MAD1L1: variants seen among roughly 807,000 people sequenced by gnomAD.
The protein encoded by MAD1L1 is mitotic spindle assembly checkpoint protein MAD1.
MAD1L1 carries 95 observed loss-of-function variants against 96.9 expected under a neutral mutation model. That is an observed-to-expected ratio of 0.98 (90% CI 0.83 to 1.16). MAD1L1 has a LOEUF of 1.16. Among genes scored for constraint, MAD1L1 ranks in the 50% most tolerant of loss-of-function variants. The pLI is 0.00. For synonymous variants in MAD1L1, 473 were observed against 396.6 expected, an observed-to-expected ratio of 1.19 and a Z score of -2.29; for missense variants, 1,007 against 954.4, an observed-to-expected ratio of 1.06 and a Z score of -0.73.
rs1489530752 is a variant in MAD1L1 at position 2,216,245 on chromosome 7, T to A, written c.721A>T (p.Ile241Phe). 6.2e-7 allele frequency: 1 copy of A among 1,614,170 alleles called. No homozygotes were observed. Among genetic ancestry groups the A allele is most frequent in the Non-Finnish European group, 8.5e-7 (1 of 1,180,050 alleles). The part of the protein sequence containing the change: ...KLSLQEQDAA[I>F]VKNMKSELVR... The stretch of plus-strand genomic sequence containing the variant: ...AGCTCAGACTTCATGTTCTTCACAA[T>A]CGCTGCATCCTGCTCTTGCAGGGAC... Residue 241 changes from isoleucine to phenylalanine, a missense_variant, in exon 8 of 19, where the codon ATT becomes TTT. Ile to Phe is a conservative substitution (Grantham distance 21). Transcript: ENST00000265854.
intron 12 of MAD1L1, among the ~76,000 whole-genome samples, chr7:2,054,750 C>A (rs1050450724): frequency 2.6e-5 from 4 of 152,224 alleles, no homozygotes; most frequent in Admixed American, 2.6e-4. Context: ...CGTCTCAGGG[C>A]CCCTCCTGCA....
chr7:1,891,648 G>C (rs1262239453), intron 18 of MAD1L1, among the ~76,000 whole-genome samples: 2 of 152,148 alleles, frequency 1.3e-5, no homozygotes, highest in Non-Finnish European at 2.9e-5. Flanking sequence ...CGCGATCATA[G>C]TTTTCACCGC....
intron 16 of MAD1L1, among the ~76,000 whole-genome samples, chr7:1,947,850 C>T (rs1779301970): frequency 6.6e-6 from 1 of 152,224 alleles, no homozygotes; most frequent in African/African-American, 2.4e-5. Context: ...CACCTATACA[C>T]ACCTGTCGCC....
chr7:1,957,925 T>C (rs1321748936), intron 15 of MAD1L1, among the ~76,000 whole-genome samples: 1 of 152,200 alleles, frequency 6.6e-6, no homozygotes, highest in Non-Finnish European at 1.5e-5. Context: ...GGGGAGTCCG[T>C]GGCGGCCCCT....
intron 18 of MAD1L1, among the ~76,000 whole-genome samples, chr7:1,886,341 A>G (rs144517496): frequency 7.2e-5 from 11 of 152,342 alleles, no homozygotes; most frequent in African/African-American, 2.4e-4. Flanking sequence ...TCAGAAGGAA[A>G]GAACAGGGCA....
chr7:2,208,456 G>A (rs1176652514), intron 10 of MAD1L1, among the ~76,000 whole-genome samples: 1 of 152,050 alleles, frequency 6.6e-6, no homozygotes, highest in Non-Finnish European at 1.5e-5. Flanking sequence ...GGGGTGCAGG[G>A]AACAGACACC....
In MAD1L1 at chr7:2,227,121, C is replaced by T. The variant is rs1004365126; in HGVS notation, c.151-1571G>A. Among the ~76,000 whole-genome samples, 4 of 152,088 alleles carry T rather than the reference C, an allele frequency of 2.6e-5. No homozygotes were observed. In the East Asian group the frequency reaches 7.7e-4, roughly 29 times the overall value. On this transcript the variant is annotated intron_variant, in intron 3 of 18. Coordinates refer to ENST00000265854, the MANE Select transcript of MAD1L1 (RefSeq NM_001013836.2). ...CCAGCCTGGCCAACATGGTGAAACC[C>T]TGTCTCTACTCAAAACTATGAAAAT...
At chr7:2,059,578 G>A (rs1379165195) in intron 12 of MAD1L1, among the ~76,000 whole-genome samples, 5 of 149,570 alleles carry the variant, frequency 3.3e-5, no homozygotes, top group Admixed American at 6.6e-5. Context: ...GGCCAGGGGA[G>A]GGGAGAGGAG....
chr7:2,150,361 C>T (rs1209461547), intron 10 of MAD1L1, among the ~76,000 whole-genome samples: 4 of 152,212 alleles, frequency 2.6e-5, no homozygotes, highest in Non-Finnish European at 5.9e-5. Context: ...AACGCGCACG[C>T]TGCAAACCTC....
intron 18 of MAD1L1, among the ~76,000 whole-genome samples, chr7:1,888,869 T>A (rs1461407906): frequency 6.6e-6 from 1 of 152,204 alleles, no homozygotes; most frequent in Non-Finnish European, 1.5e-5. Flanking sequence ...ATGATGCCAG[T>A]GCGAGGGCAG....
At chr7:2,174,534 C>A (rs1221419175) in intron 10 of MAD1L1, among the ~76,000 whole-genome samples, 2 of 152,216 alleles carry the variant, frequency 1.3e-5, no homozygotes, top group Admixed American at 6.5e-5. Context: ...CGTTTCTTTG[C>A]GGTACTTGTT....
chr7:2,062,145 G>A (rs1041887168), intron 12 of MAD1L1, among the ~76,000 whole-genome samples: 1 of 151,972 alleles, frequency 6.6e-6, no homozygotes, highest in Non-Finnish European at 1.5e-5. Context: ...GGGAGGCTGA[G>A]GCGAGAGAAT....
At chr7:1,955,940 C>T (rs1779708809) in intron 16 of MAD1L1, among the ~76,000 whole-genome samples, 1 of 129,872 alleles carries the variant, frequency 7.7e-6, no homozygotes, top group African/African-American at 3.0e-5. Flanking sequence ...TAACTTCCAT[C>T]TTAGACTAAA....
intron 10 of MAD1L1, among the ~76,000 whole-genome samples, chr7:2,179,499 G>C (rs1791092968): frequency 6.7e-6 from 1 of 149,288 alleles, no homozygotes; most frequent in Admixed American, 6.7e-5. Context: ...TTGCACTCCA[G>C]CCTGGGCGAC....
chr7:2,002,164 A>G, intron 13 of MAD1L1, 43 bp from the exon 14 acceptor site: 3 of 1,595,038 alleles, frequency 1.9e-6, no homozygotes, highest in Non-Finnish European at 2.6e-6. Flanking sequence ...GTGGTGGGCC[A>G]GGCCCCATTT....
At chr7:1,837,591 G>A (rs1335245899) in intron 18 of MAD1L1, among the ~76,000 whole-genome samples, 7 of 152,248 alleles carry the variant, frequency 4.6e-5, no homozygotes, top group Admixed American at 3.9e-4. Context: ...TGGTCTATCC[G>A]TATGACTGTA....
At chr7:2,156,543 C>T (rs986448624) in intron 10 of MAD1L1, among the ~76,000 whole-genome samples, 4 of 152,128 alleles carry the variant, frequency 2.6e-5, no homozygotes, top group Non-Finnish European at 4.4e-5. Context: ...GGAGGCTGGG[C>T]GCGCAGTGGC....
At chr7:2,130,095 CT>C (rs1183883300) in intron 11 of MAD1L1, among the ~76,000 whole-genome samples, 2 of 152,406 alleles carry the variant, frequency 1.3e-5, no homozygotes, top group East Asian at 1.9e-4. Context: ...ATGCGCCTCA[CT>C]GCATCAAAAG....
chr7:2,160,456 C>A (rs558293156), intron 10 of MAD1L1, among the ~76,000 whole-genome samples: 1 of 150,810 alleles, frequency 6.6e-6, no homozygotes, highest in African/African-American at 2.4e-5. Context: ...CCTCAGACTC[C>A]CGAGGGGCTG....
Sources: gnomAD v4.1 joint callset for allele counts (sites outside exome capture counted in the v4.1 genomes callset) on GRCh38, gnomAD v4.1.1 for gene constraint, MANE v1.5 for transcripts, NCBI Gene and HGNC (gene_info 2026-07-23, HGNC 2026-07-21) for gene names.